SRCIN1: variants seen among roughly 807,000 people sequenced by gnomAD.
The protein encoded by SRCIN1 is P130Cas-associated protein.
Under a neutral mutation model 116.2 loss-of-function variants are expected in SRCIN1, and 50 were observed. The observed-to-expected ratio is 0.43, with a 90% confidence interval of 0.34 to 0.54. The LOEUF (loss-of-function observed/expected upper bound fraction) is 0.54. SRCIN1 is among the 20% of genes least tolerant of loss of function. The pLI is 0.02. For missense variants in SRCIN1, 1,446 were observed against 1,672.0 expected (o/e 0.86, Z 2.36); for synonymous variants, 736 against 750.0 (o/e 0.98, Z 0.30).
chr17:38,550,965 G>A (rs1295629429), intron 15 of SRCIN1, among the ~76,000 whole-genome samples, 190 bp downstream of exon 15: 1 of 152,254 alleles, frequency 6.6e-6, no homozygotes. Flanking sequence ...ATGCCGGGAT[G>A]GAGTCCAGCT....
chr17:38,540,608 G>C (rs1904671070), intron 18 of SRCIN1, among the ~76,000 whole-genome samples: 1 of 151,694 alleles, frequency 6.6e-6, no homozygotes, highest in Non-Finnish European at 1.5e-5. Context: ...GACCCGCATG[G>C]CTGGAGCACA....
In SRCIN1 at chr17:38,541,241, A is replaced by AAAAATAAAATAAAAT. The variant is rs201262978; in HGVS notation, c.3417+2567_3417+2581dup. ...GTGACAGTGTGAGACCCTGCCTCAA[A>AAAAATAAAATAAAAT]AAAATAAAATAAAATAAAATAAAAT... is the stretch of plus-strand genomic sequence containing the variant. On this transcript the variant is annotated intron_variant, in intron 18 of 18. Coordinates refer to ENST00000617146, the MANE Select transcript of SRCIN1 (RefSeq NM_025248.3). 24 of 149,030 alleles carry AAAAATAAAATAAAAT rather than the reference A, an allele frequency of 1.6e-4. 1 individual carries two copies. Among genetic ancestry groups the AAAAATAAAATAAAAT allele is most frequent in the African/African-American group, 5.5e-4 (22 of 39,882 alleles). 9.2% of individuals were successfully genotyped at this position (149,030 alleles called of 1,614,324 possible).
At position 38,554,272 on chromosome 17, in the gene SRCIN1, A is replaced by T. The variant is rs867308969; in HGVS notation, c.2202-1417T>A. Among the ~76,000 whole-genome samples the T allele has an allele frequency of 9.9e-5, 15 of 151,856 alleles. No homozygotes were observed. The South Asian group carries it at 1.0e-3, about 11-fold the overall frequency. On this transcript the variant is annotated intron_variant, in intron 11 of 18. Transcript: ENST00000617146. ...ATCAGGTGGATTGGATGAGCTAATGAAGACAGGAAAGCACGCGGCAAAGGG... is the reference window on the plus strand; with the variant it reads ...ATCAGGTGGATTGGATGAGCTAATGTAGACAGGAAAGCACGCGGCAAAGGG...
At position 38,563,967 on chromosome 17, in the gene SRCIN1, G is replaced by T; in HGVS notation, c.541+151C>A. On this transcript the variant is annotated intron_variant, in intron 4 of 18. Coordinates refer to ENST00000617146, the MANE Select transcript of SRCIN1 (RefSeq NM_025248.3). The surrounding 1 kb of genome is among the most constrained non-coding windows in gnomAD (Gnocchi z 5.8). ...GCTGAGGGCGAGAGAGAGATGGAGA[G>T]AGCTGGGGTTGCTTGGGGAGAAGGG... The T allele has an allele frequency of 1.2e-6, 1 of 846,630 alleles. No homozygotes were observed. Among genetic ancestry groups the T allele is most frequent in the Non-Finnish European group, 1.8e-6 (1 of 544,138 alleles). The allele number at this position is 846,630 out of a possible 1,614,324, so 52.4% of individuals were successfully genotyped here. A position where few individuals can be genotyped will look rare whatever the true frequency, so the allele number is the denominator to read the frequency against.
At chr17:38,566,790 T>C (rs988944388) in intron 3 of SRCIN1, among the ~76,000 whole-genome samples, 1 of 152,192 alleles carries the variant, frequency 6.6e-6, no homozygotes, top group Non-Finnish European at 1.5e-5. Flanking sequence ...TCAGCTACCA[T>C]GTAAGGCTCA....
In SRCIN1 at chr17:38,551,870, T is replaced by C. The variant is rs770539104; in HGVS notation, c.2727+16A>G. The C allele has an allele frequency of 2.5e-6, 4 of 1,613,306 alleles. No homozygotes were observed. Among genetic ancestry groups the C allele is most frequent in the Non-Finnish European group, 3.4e-6 (4 of 1,179,860 alleles). ...ACCTGGCTCATGGCCCCACCCACAA[T>C]CCCTGGCCCCAGCACCTCAACAGAC... On this transcript the variant is annotated intron_variant, in intron 14 of 18. Coordinates refer to ENST00000617146, the MANE Select transcript of SRCIN1 (RefSeq NM_025248.3).
At chr17:38,595,302 C>T (rs1908665055) in intron 1 of SRCIN1, among the ~76,000 whole-genome samples, 1 of 152,184 alleles carries the variant, frequency 6.6e-6, no homozygotes, top group Admixed American at 6.5e-5. Flanking sequence ...ACTGCAACCT[C>T]TGCTTCCCGG....
chr17:38,574,909 G>A, intron 2 of SRCIN1: 1 of 401,170 alleles, frequency 2.5e-6, no homozygotes, highest in Non-Finnish European at 4.4e-6. Flanking sequence ...AGGGGGCGGA[G>A]TCGCCATGGA....
Position 38,572,385 on chromosome 17 carries a change from G to A in SRCIN1, c.325-4154C>T. ...GGGTGGGTGGGTGGGGGTGCTGTGG[G>A]ACGCTGGGGAAGAGGGCGCACCCCG... On this transcript the variant is annotated intron_variant, in intron 2 of 18. Coordinates refer to ENST00000617146, the MANE Select transcript of SRCIN1 (RefSeq NM_025248.3). This position sits in a 1 kb window ranked among gnomAD's most constrained non-coding sequence, Gnocchi z 4.3. Among the ~76,000 whole-genome samples, 1 of 152,120 alleles carries A rather than the reference G, an allele frequency of 6.6e-6. No homozygotes were observed. The highest frequency in any genetic ancestry group is 6.5e-5 in the Admixed American group (1 of 15,286).
chr17:38,543,509 G>A (rs1439441950), intron 18 of SRCIN1, among the ~76,000 whole-genome samples: 2 of 152,182 alleles, frequency 1.3e-5, no homozygotes, highest in East Asian at 1.9e-4. Context: ...TCACAAACTC[G>A]CTCGCTCGCC....
chr17:38,560,859 G>T (rs974128254), intron 7 of SRCIN1, among the ~76,000 whole-genome samples: 1 of 152,190 alleles, frequency 6.6e-6, no homozygotes, highest in South Asian at 2.1e-4. Context: ...CACAGGCCAC[G>T]TAAGAGCTGT....
At chr17:38,581,777 GA>G (rs1211960917) in intron 1 of SRCIN1, among the ~76,000 whole-genome samples, 1 of 152,218 alleles carries the variant, frequency 6.6e-6, no homozygotes, top group African/African-American at 2.4e-5. Context: ...ACAGTGGCCA[GA>G]AGTGTGGCTA....
In SRCIN1 at chr17:38,563,838, G is replaced by T; in HGVS notation, c.541+280C>A. The T allele has an allele frequency of 1.6e-6, 1 of 620,440 alleles. No homozygotes were observed. Among genetic ancestry groups the T allele is most frequent in the Non-Finnish European group, 2.9e-6 (1 of 350,510 alleles). 38.4% of individuals were successfully genotyped at this position (620,440 alleles called of 1,614,324 possible). On this transcript the variant is annotated intron_variant, in intron 4 of 18. Coordinates refer to ENST00000617146, the MANE Select transcript of SRCIN1 (RefSeq NM_025248.3). The surrounding 1 kb of genome is among the most constrained non-coding windows in gnomAD (Gnocchi z 5.8). ...CTGAGGGAGAGAGAGGTTGGAGAGA[G>T]TTAGAGAAGGGAGATGGGAGAGAAG...
At chr17:38,555,765 G>C (rs1005194823) in intron 11 of SRCIN1, among the ~76,000 whole-genome samples, 3 of 152,118 alleles carry the variant, frequency 2.0e-5, no homozygotes, top group African/African-American at 4.8e-5. Flanking sequence ...CACTGTCCTA[G>C]CCCAGCCCTC....
intron 1 of SRCIN1, among the ~76,000 whole-genome samples, chr17:38,581,596 AT>A (rs1431236623): frequency 6.6e-6 from 1 of 151,994 alleles, no homozygotes; most frequent in African/African-American, 2.4e-5. Flanking sequence ...TTTTAAGTAA[AT>A]TTAAAGTTCA....
At position 38,562,353 on chromosome 17, in the gene SRCIN1, C is replaced by T. The variant is rs557614630; in HGVS notation, c.835-25G>A. ...TCTGCGCAGAAGACAGCCCGGAACC[C>T]CACGGGGCTGGTCACCAAGGACACC... On this transcript the variant is annotated intron_variant, in intron 6 of 18. Coordinates refer to ENST00000617146, the MANE Select transcript of SRCIN1 (RefSeq NM_025248.3). The surrounding 1 kb of genome is among the most constrained non-coding windows in gnomAD (Gnocchi z 4.2). 5.8e-4 allele frequency: 830 copies of T among 1,421,920 alleles called. 5 individuals are homozygous for T. Among genetic ancestry groups the T allele is most frequent in the Middle Eastern group, 5.4e-3 (30 of 5,540 alleles). The allele number at this position is 1,421,920 out of a possible 1,614,324, so 88.1% of individuals were successfully genotyped here.
intron 1 of SRCIN1, among the ~76,000 whole-genome samples, chr17:38,595,221 C>T (rs1321562709): frequency 1.3e-5 from 2 of 152,034 alleles, no homozygotes; most frequent in Non-Finnish European, 1.5e-5. Flanking sequence ...AGTCTTTCCC[C>T]GCCGCCCCGA....
chr17:38,535,209 C>CTTTTT (rs71138630), intron 18 of SRCIN1, among the ~76,000 whole-genome samples: 3 of 128,906 alleles, frequency 2.3e-5, no homozygotes, highest in African/African-American at 6.0e-5. Flanking sequence ...CTTTTTCTTT[C>CTTTTT]TTTTTTTTTT....
chr17:38,556,362 CTCAGTCAGCAGAGG>C (rs577406208), intron 11 of SRCIN1, among the ~76,000 whole-genome samples: 260 of 152,356 alleles, frequency 1.7e-3, no homozygotes, highest in African/African-American at 6.0e-3. Flanking sequence ...CCTAAAAGGT[CTCAGTCAGCAGAGG>C]CTGCACCTAA....
Sources: allele counts gnomAD v4.1 joint callset (sites outside exome capture counted in the v4.1 genomes callset), GRCh38; gene constraint gnomAD v4.1.1; non-coding constraint Gnocchi (gnomAD v3.1); transcripts MANE v1.5; gene names NCBI Gene and HGNC (gene_info 2026-07-23, HGNC 2026-07-21).